Variants in ZSCAN5A observed in about 807,000 individuals in gnomAD.
The protein encoded by ZSCAN5A is zinc finger and SCAN domain-containing protein 5A.
ZSCAN5A carries 12 observed loss-of-function variants against 23.7 expected under a neutral mutation model. The ratio of observed to expected loss-of-function variants is 0.51; its 90% CI spans 0.32 to 0.82. ZSCAN5A has a LOEUF of 0.82. ZSCAN5A is among the 40% of genes least tolerant of loss of function. The pLI is 0.03. For missense variants in ZSCAN5A, 597 were observed against 617.9 expected (o/e 0.97, Z 0.36); for synonymous variants, 257 against 239.9 (o/e 1.07, Z -0.66).
chr19:56,254,883 G>A (rs976741137), intron 2 of ZSCAN5A, among the ~76,000 whole-genome samples: 1 of 151,978 alleles, frequency 6.6e-6, no homozygotes, highest in Non-Finnish European at 1.5e-5. Context: ...TTAAAATCAT[G>A]TTGTTAGTGT....
intron 2 of ZSCAN5A, among the ~76,000 whole-genome samples, chr19:56,334,071 T>C (rs1169117137): frequency 6.6e-6 from 1 of 152,164 alleles, no homozygotes; most frequent in Non-Finnish European, 1.5e-5. Flanking sequence ...ATTCAAAGCA[T>C]GCATTCCAAG....
At chr19:56,337,842 G>A (rs1012047866) in intron 2 of ZSCAN5A, among the ~76,000 whole-genome samples, 2 of 152,210 alleles carry the variant, frequency 1.3e-5, no homozygotes, top group Non-Finnish European at 2.9e-5. Context: ...TGCGTGTGCA[G>A]GTACATGTTG....
At chr19:56,358,784 G>A (rs143964400) in intron 2 of ZSCAN5A, among the ~76,000 whole-genome samples, 7 of 152,204 alleles carry the variant, frequency 4.6e-5, no homozygotes, top group East Asian at 1.9e-4. Context: ...TCAAAAACAC[G>A]TAACTACATG....
intron 2 of ZSCAN5A, chr19:56,321,312 G>T (rs1568750709): frequency 3.0e-6 from 2 of 656,650 alleles, no homozygotes; most frequent in Non-Finnish European, 5.7e-6. Context: ...CCCATCACTG[G>T]TCAAGAAGTC....
intron 2 of ZSCAN5A, chr19:56,348,133 G>A (rs2041646244): frequency 2.0e-5 from 3 of 152,152 alleles, no homozygotes; most frequent in Admixed American, 1.3e-4. Context: ...CTCAAATCTC[G>A]GCTCCAGCGG....
chr19:56,248,119 A>C (rs572602289), intron 2 of ZSCAN5A, among the ~76,000 whole-genome samples: 6 of 151,912 alleles, frequency 3.9e-5, no homozygotes, highest in Non-Finnish European at 8.8e-5. Context: ...TGTCCAGATT[A>C]AATACACAAT....
At chr19:56,353,246 G>A (rs1369343338) in intron 2 of ZSCAN5A, among the ~76,000 whole-genome samples, 3 of 152,204 alleles carry the variant, frequency 2.0e-5, no homozygotes, top group Non-Finnish European at 4.4e-5. Flanking sequence ...ATTATCGAGT[G>A]TAACGGATAC....
chr19:56,248,168 T>C (rs1443876518), intron 2 of ZSCAN5A, among the ~76,000 whole-genome samples: 1 of 152,222 alleles, frequency 6.6e-6, no homozygotes, highest in Non-Finnish European at 1.5e-5. Context: ...CAATTTTTTT[T>C]TAGTATCAGC....
chr19:56,346,635 G>A (rs2041635318), intron 2 of ZSCAN5A, among the ~76,000 whole-genome samples: 2 of 152,028 alleles, frequency 1.3e-5, no homozygotes, highest in Admixed American at 1.3e-4. Flanking sequence ...TAGCTCAGGG[G>A]GATAAGCGGA....
chr19:56,335,400 C>T (rs1439992633), intron 2 of ZSCAN5A, among the ~76,000 whole-genome samples: 2 of 152,188 alleles, frequency 1.3e-5, no homozygotes, highest in Non-Finnish European at 2.9e-5. Context: ...ATAACTCCCC[C>T]AACCTAGCTA....
chr19:56,247,245 C>T (rs781677116), intron 2 of ZSCAN5A: 11 of 414,206 alleles, frequency 2.7e-5, no homozygotes, highest in Non-Finnish European at 4.5e-5. Context: ...ACATCTGTCA[C>T]AAACGGTTCA....
intron 2 of ZSCAN5A, among the ~76,000 whole-genome samples, chr19:56,248,988 T>A (rs2036155366): frequency 1.3e-5 from 2 of 151,960 alleles, no homozygotes; most frequent in Non-Finnish European, 2.9e-5. Context: ...ACCACTGGAG[T>A]ATCATGGGGG....
At chr19:56,260,760 G>A (rs1028102383) in intron 2 of ZSCAN5A, among the ~76,000 whole-genome samples, 3 of 152,220 alleles carry the variant, frequency 2.0e-5, no homozygotes, top group East Asian at 1.9e-4. Context: ...AAAACTAGGA[G>A]GTGGTACTTT....
At chr19:56,353,058 G>A (rs2041677720) in intron 2 of ZSCAN5A, among the ~76,000 whole-genome samples, 1 of 152,222 alleles carries the variant, frequency 6.6e-6, no homozygotes, top group African/African-American at 2.4e-5. Context: ...CAAAATGTCT[G>A]CAGTCACTGT....
chr19:56,266,700 C>A (rs767358216), intron 2 of ZSCAN5A: 1 of 151,958 alleles, frequency 6.6e-6, no homozygotes, highest in African/African-American at 2.4e-5. Context: ...AGGATGGTCT[C>A]GATCTCCTGA....
intron 2 of ZSCAN5A, among the ~76,000 whole-genome samples, chr19:56,310,913 T>C (rs2040998106): frequency 6.6e-6 from 1 of 152,226 alleles, no homozygotes; most frequent in South Asian, 2.1e-4. Context: ...TTTTATCATC[T>C]GTAAAATGGG....
At chr19:56,304,726 G>A in intron 2 of ZSCAN5A, 1 of 938,086 alleles carries the variant, frequency 1.1e-6, no homozygotes, top group Non-Finnish European at 1.3e-6. Flanking sequence ...GGGAGGTAAG[G>A]AAGGAATTCA....
At chr19:56,329,878 G>A (rs999748693) in intron 2 of ZSCAN5A, among the ~76,000 whole-genome samples, 2 of 152,132 alleles carry the variant, frequency 1.3e-5, no homozygotes, top group Non-Finnish European at 2.9e-5. Context: ...TACATGAGTA[G>A]GTGTGTTACT....
chr19:56,253,421 TG>T (rs772637244), intron 2 of ZSCAN5A, among the ~76,000 whole-genome samples: 24 of 152,108 alleles, frequency 1.6e-4, no homozygotes, highest in Non-Finnish European at 3.1e-4. Flanking sequence ...ACACCTGAAA[TG>T]GAAGTAGTGG....
Sources: gnomAD v4.1 joint callset for allele counts (sites outside exome capture counted in the v4.1 genomes callset) on GRCh38, gnomAD v4.1.1 for gene constraint, MANE v1.5 for transcripts, NCBI Gene and HGNC (gene_info 2026-07-23, HGNC 2026-07-21) for gene names.